The following PALM2AKAP2 variants were observed in gnomAD, a reference collection of about 807,000 sequenced individuals.
PALM2AKAP2 encodes PALM2-AKAP2 fusion protein.
Under a neutral mutation model 71.5 loss-of-function variants are expected in PALM2AKAP2, and 37 were observed. The observed-to-expected ratio is 0.52, with a 90% CI of 0.40 to 0.68. The LOEUF is 0.68. PALM2AKAP2 is among the 30% of genes least tolerant of loss of function. The pLI is 0.00. For missense variants in PALM2AKAP2, 1,224 were observed against 1,191.8 expected, an observed-to-expected ratio of 1.03 and a Z score of -0.40; for synonymous variants, 468 against 478.8, an observed-to-expected ratio of 0.98 and a Z score of 0.29.
chr9:109,752,663 C>A (rs148973380), intron 1 of PALM2AKAP2, among the ~76,000 whole-genome samples: 84 of 152,156 alleles, frequency 5.5e-4, no homozygotes, highest in African/African-American at 1.9e-3. Context: ...TATGAAGGAC[C>A]TTGAAGGTGG....
intron 6 of PALM2AKAP2, among the ~76,000 whole-genome samples, chr9:110,006,444 T>C (rs1832788517): frequency 6.6e-6 from 1 of 151,760 alleles, no homozygotes. Context: ...TTCTACCTCC[T>C]GGGCTCAAGT....
At position 109,685,367 on chromosome 9, in the gene PALM2AKAP2, G is replaced by C. The variant is rs536499868; in HGVS notation, c.5+44501G>C. On this transcript the variant is annotated intron_variant, in intron 1 of 6. Coordinates refer to the PALM2AKAP2 transcript ENST00000374531. ...CTGTAAAACTTTCTAAATATACACA[G>C]TTATATGTCAGAGATATTGTGAGTT... Among the ~76,000 whole-genome samples, 9 of 152,168 alleles carry C rather than the reference G, an allele frequency of 5.9e-5. No homozygotes were observed. The South Asian group carries it at 1.7e-3, about 28-fold the overall frequency.
intron 1 of PALM2AKAP2, among the ~76,000 whole-genome samples, chr9:109,780,789 G>A (rs1231638644): frequency 6.6e-6 from 1 of 152,182 alleles, no homozygotes; most frequent in Admixed American, 6.5e-5. Flanking sequence ...CTGGGCTTTG[G>A]GGAAGGACTA....
At chr9:109,689,692 C>T (rs1827854299) in intron 1 of PALM2AKAP2, among the ~76,000 whole-genome samples, 1 of 152,172 alleles carries the variant, frequency 6.6e-6, no homozygotes, top group African/African-American at 2.4e-5. Context: ...CTAAGATGAG[C>T]TCAGTGTGAG....
intron 1 of PALM2AKAP2, chr9:109,765,680 C>T (rs1349394590): frequency 1.3e-5 from 2 of 152,264 alleles, no homozygotes; most frequent in African/African-American, 4.8e-5. Context: ...GAGACCCAGC[C>T]TTGATCTGTG....
At chr9:109,983,334 A>T (rs763910415) in intron 6 of PALM2AKAP2, among the ~76,000 whole-genome samples, 1 of 151,950 alleles carries the variant, frequency 6.6e-6, no homozygotes, top group South Asian at 2.1e-4. Flanking sequence ...CTTCTCTTCT[A>T]CCATCCCTTT....
chr9:109,685,656 G>A (rs1439445897), intron 1 of PALM2AKAP2, among the ~76,000 whole-genome samples: 1 of 151,948 alleles, frequency 6.6e-6, no homozygotes, highest in African/African-American at 2.4e-5. Context: ...ACAATTACTT[G>A]AACCCTCAGT....
intron 1 of PALM2AKAP2, among the ~76,000 whole-genome samples, chr9:110,086,062 G>C (rs939940536): frequency 6.8e-6 from 1 of 146,744 alleles, no homozygotes; most frequent in Non-Finnish European, 1.5e-5. Context: ...AGCTGAGATT[G>C]CACTACTGCA....
intron 1 of PALM2AKAP2, among the ~76,000 whole-genome samples, chr9:109,749,948 C>T (rs1011494257): frequency 2.6e-5 from 4 of 152,194 alleles, no homozygotes; most frequent in African/African-American, 4.8e-5. Flanking sequence ...CATTTAGAAC[C>T]TAAACAGCTC....
At chr9:109,809,944 G>C (rs559021607) in intron 1 of PALM2AKAP2, among the ~76,000 whole-genome samples, 123 of 152,226 alleles carry the variant, frequency 8.1e-4, no homozygotes, top group African/African-American at 2.6e-3. Context: ...GGATTGTGAG[G>C]CCTCCCCAGC....
At chr9:110,000,696 A>T (rs1056069927) in intron 6 of PALM2AKAP2, among the ~76,000 whole-genome samples, 3 of 152,132 alleles carry the variant, frequency 2.0e-5, no homozygotes, top group African/African-American at 7.2e-5. Flanking sequence ...CTTTTTAATG[A>T]TCCCCATTCT....
chr9:109,968,749 G>A (rs1041527641), intron 6 of PALM2AKAP2, among the ~76,000 whole-genome samples: 5 of 152,136 alleles, frequency 3.3e-5, no homozygotes, highest in African/African-American at 9.7e-5. Flanking sequence ...TTTTCAGCGC[G>A]ATTTTCAGGG....
In PALM2AKAP2 at chr9:109,959,569, C is replaced by T. The variant is rs148892856; in HGVS notation, c.496+27541C>T. ...TTGAGGCTAGAGAATGGCATGAACC[C>T]GGGAGGCGGAACTTGCAGTGAGCTG... On this transcript the variant is annotated intron_variant, in intron 6 of 9. Coordinates refer to the PALM2AKAP2 transcript ENST00000302798. 1.3e-4 allele frequency among the ~76,000 whole-genome samples: 19 copies of T among 148,692 alleles called. No homozygotes were observed. In the East Asian group the frequency reaches 1.4e-3, roughly 11 times the overall value.
intron 1 of PALM2AKAP2, among the ~76,000 whole-genome samples, chr9:109,741,092 G>T (rs545046433): frequency 6.6e-6 from 1 of 152,270 alleles, no homozygotes; most frequent in South Asian, 2.1e-4. Context: ...TAGACATAGA[G>T]GATTTTCATC....
chr9:110,108,846 A>T (rs564928324), intron 1 of PALM2AKAP2, among the ~76,000 whole-genome samples: 22 of 151,852 alleles, frequency 1.4e-4, no homozygotes, highest in South Asian at 6.2e-4. Flanking sequence ...TTAAAAAAAA[A>T]TTTTTTTTTG....
chr9:110,051,926 G>A (rs1384123927), intron 1 of PALM2AKAP2, among the ~76,000 whole-genome samples: 1 of 148,354 alleles, frequency 6.7e-6, no homozygotes, highest in African/African-American at 2.5e-5. Flanking sequence ...TTTTTGAAAT[G>A]GAGTCTTTCT....
chr9:109,763,362 G>A (rs913163622), intron 1 of PALM2AKAP2, among the ~76,000 whole-genome samples: 3 of 152,072 alleles, frequency 2.0e-5, no homozygotes, highest in East Asian at 1.9e-4. Flanking sequence ...CCAGACTGTC[G>A]GTAGGTAAGA....
exon 3 of PALM2AKAP2, chr9:110,156,458 A>G (rs971118626): frequency 6.8e-6 from 11 of 1,610,352 alleles, no homozygotes; most frequent in Non-Finnish European, 8.5e-6. Context: ...ACTATGAGAC[A>G]CACAAATCTA....
chr9:109,725,031 T>G (rs553985748), intron 1 of PALM2AKAP2, among the ~76,000 whole-genome samples: 2 of 152,180 alleles, frequency 1.3e-5, no homozygotes, highest in South Asian at 4.1e-4. Flanking sequence ...AACAAGACAA[T>G]TTATACAAGA....
Sources: allele counts gnomAD v4.1 joint callset (sites outside exome capture counted in the v4.1 genomes callset), GRCh38; gene constraint gnomAD v4.1.1; transcripts MANE v1.5; gene names NCBI Gene and HGNC (gene_info 2026-07-23, HGNC 2026-07-21).